ANKRD52: variants seen among roughly 807,000 people sequenced by gnomAD.
The protein encoded by ANKRD52 is ankyrin repeat domain 52.
ANKRD52 carries 7 observed loss-of-function variants against 116.0 expected under a neutral mutation model. The ratio of observed to expected loss-of-function variants is 0.06; its 90% CI spans 0.03 to 0.11. The LOEUF (loss-of-function observed/expected upper bound fraction) is 0.11. Among genes scored for constraint, ANKRD52 ranks in the 10% least tolerant of loss-of-function variants. The pLI, the probability that ANKRD52 is intolerant of heterozygous loss-of-function variation, is 1.00. For missense variants in ANKRD52, 839 were observed against 1,408.6 expected, an observed-to-expected ratio of 0.60 and a Z score of 6.47; for synonymous variants, 528 against 578.1, an observed-to-expected ratio of 0.91 and a Z score of 1.24.
Position 56,244,847 on chromosome 12 carries a change from C to T in ANKRD52, c.2577-50G>A, listed in dbSNP as rs764285096. ...TTAAAATAGGGAAGAGTATACTGCC[C>T]AAGCAGAAAGGGGAAGCCAGAGGCA... is the stretch of plus-strand genomic sequence containing the variant. On this transcript the variant is annotated intron_variant, in intron 23 of 27. Coordinates refer to ENST00000267116, the MANE Select transcript of ANKRD52 (RefSeq NM_173595.4). The surrounding 1 kb of genome is among the most constrained non-coding windows in gnomAD (Gnocchi z 4.9). 12 of 1,613,700 alleles carry T rather than the reference C, an allele frequency of 7.4e-6. No homozygotes were observed. The East Asian group carries it at 1.6e-4, about 21-fold the overall frequency.
intron 2 of ANKRD52, 105 bp downstream of exon 2, chr12:56,257,723 C>T (rs1450927642): frequency 2.7e-6 from 3 of 1,100,014 alleles, no homozygotes; most frequent in East Asian, 2.6e-5. Context: ...AGAACTGCGG[C>T]CTCATCTGAG....
In ANKRD52 at chr12:56,248,270, T is replaced by G; in HGVS notation, c.1777-46A>C. On this transcript the variant is annotated intron_variant, in intron 17 of 27. Transcript: ENST00000267116. This position sits in a 1 kb window ranked among gnomAD's most constrained non-coding sequence, Gnocchi z 5.1. Reference sequence around the variant, plus strand: ...AGTGCACACAGCTCGGGACCTTCCCTGCTCCTCCCTTCCCCTTCTCTGCTC... The same window carrying G: ...AGTGCACACAGCTCGGGACCTTCCCGGCTCCTCCCTTCCCCTTCTCTGCTC... 1 of 1,596,556 alleles carries G rather than the reference T, an allele frequency of 6.3e-7. No individual in the cohort carries two copies. Among genetic ancestry groups the G allele is most frequent in the Non-Finnish European group, 8.6e-7 (1 of 1,167,100 alleles).
chr12:56,251,267 C>A (rs774173827), intron 15 of ANKRD52, among the ~76,000 whole-genome samples: 1 of 151,498 alleles, frequency 6.6e-6, no homozygotes, highest in Non-Finnish European at 1.5e-5. Context: ...TTTTTTGAGA[C>A]AGAGTCTTGT....
chr12:56,252,359 G>A lies in ANKRD52; in HGVS notation c.1371-44C>T, dbSNP rs760983458. On this transcript the variant is annotated intron_variant, in intron 13 of 27. Coordinates refer to ENST00000267116, the MANE Select transcript of ANKRD52 (RefSeq NM_173595.4). This position sits in a 1 kb window ranked among gnomAD's most constrained non-coding sequence, Gnocchi z 4.7. ...AGGGTGGGGAAGAGAATCAGAGACAGATACGAATGCAATCAGATGTGCAGC... is the reference window on the plus strand; with the variant it reads ...AGGGTGGGGAAGAGAATCAGAGACAAATACGAATGCAATCAGATGTGCAGC... 1 of 1,610,278 alleles carries A rather than the reference G, an allele frequency of 6.2e-7. No homozygotes were observed. Among genetic ancestry groups the A allele is most frequent in the Non-Finnish European group, 8.5e-7 (1 of 1,176,916 alleles).
At position 56,237,948 on chromosome 12, in the gene ANKRD52, G is replaced by A. The variant is rs1870991676; in HGVS notation, c.*5194C>T. On this transcript the variant is annotated 3_prime_UTR_variant, in exon 28 of 28. Transcript: ENST00000267116. ...TGGGGGAGGATGTGAGTAGGGGCCT[G>A]GAGGGTGCAGGGTCATTAATCTGCG... 1.8e-6 allele frequency: 1 copy of A among 542,934 alleles called. No individual in the cohort carries two copies. Among genetic ancestry groups the A allele is most frequent in the Non-Finnish European group, 3.1e-6 (1 of 318,432 alleles). The allele number at this position is 542,934 out of a possible 1,614,324, so 33.6% of individuals were successfully genotyped here.
In ANKRD52 at chr12:56,240,823, A is replaced by C. The variant is rs529142940; in HGVS notation, c.*2319T>G. The C allele has an allele frequency of 1.8e-4, 28 of 152,362 alleles. No individual in the cohort carries two copies. The highest frequency in any genetic ancestry group is 1.5e-3 in the Admixed American group (23 of 15,298). 9.4% of individuals were successfully genotyped at this position (152,362 alleles called of 1,614,324 possible). ...GCGCTGAGGGCAGCAGGGCGCAGAC[A>C]GCCCCCAGAAATCTCATCTAGCAAG... On this transcript the variant is annotated 3_prime_UTR_variant, in exon 28 of 28. Transcript: ENST00000267116. This position sits in a 1 kb window ranked among gnomAD's most constrained non-coding sequence, Gnocchi z 4.2.
In ANKRD52 at chr12:56,253,573, G is replaced by A; in HGVS notation, c.985+149C>T. ...AGGAGACTGGGCAGGGCAGAGCAGGGCCATTTCCACAGGTCCCTTGGTCAG... is the reference window on the plus strand; with the variant it reads ...AGGAGACTGGGCAGGGCAGAGCAGGACCATTTCCACAGGTCCCTTGGTCAG... On this transcript the variant is annotated intron_variant, in intron 9 of 27. Transcript: ENST00000267116. The surrounding 1 kb of genome is among the most constrained non-coding windows in gnomAD (Gnocchi z 5.5). 1 of 968,690 alleles carries A rather than the reference G, an allele frequency of 1.0e-6. No individual in the cohort carries two copies. The highest frequency in any genetic ancestry group is 2.6e-5 in the East Asian group (1 of 38,936). The allele number at this position is 968,690 out of a possible 1,614,324, so 60.0% of individuals were successfully genotyped here. A position where few individuals can be genotyped will look rare whatever the true frequency, so the allele number is the denominator to read the frequency against.
At chr12:56,245,260 C>T (rs976767857) in intron 21 of ANKRD52, 70 bp from the exon 22 acceptor site, 7 of 1,600,484 alleles carry the variant, frequency 4.4e-6, no homozygotes, top group Non-Finnish European at 5.1e-6. Context: ...TGTGTCTTGA[C>T]ACTCCATTCC....
intron 15 of ANKRD52, among the ~76,000 whole-genome samples, chr12:56,251,810 T>A (rs1234329720): frequency 6.6e-6 from 1 of 151,356 alleles, no homozygotes; most frequent in Non-Finnish European, 1.5e-5. Flanking sequence ...GGTTTTTTTT[T>A]CCCCCTGAAG....
In ANKRD52 at chr12:56,252,231, G is replaced by A. The variant is rs773801349; in HGVS notation, c.1455C>T (p.Ala485=). The change falls in exon 14 of 28, where the codon GCC becomes GCT. Residue 485 remains alanine (A), a synonymous_variant. Transcript: ENST00000267116. The surrounding 1 kb of genome is among the most constrained non-coding windows in gnomAD (Gnocchi z 4.7). ...GGAGGGGAGAGCAGCCTTTACAGTC[G>A]GCCTCGTTGACACCTGCCCCAGCAG... The part of the protein sequence containing the change: ...LVTAGAGVNE[A]DCKGCSPLHY... 185 of 1,613,812 alleles carry A rather than the reference G, an allele frequency of 1.1e-4. No homozygotes were observed. The highest frequency in any genetic ancestry group is 1.3e-4 in the Non-Finnish European group (157 of 1,179,874).
intron 1 of ANKRD52, 90 bp downstream of exon 1, chr12:56,258,153 A>C (rs1699727242): frequency 1.1e-5 from 17 of 1,543,366 alleles, no homozygotes; most frequent in Non-Finnish European, 1.2e-5. Context: ...CCCCGGGCTC[A>C]GGCCCAGCCT....
intron 20 of ANKRD52, 128 bp downstream of exon 20, chr12:56,247,361 AAAAG>A (rs1485569210): frequency 9.1e-6 from 7 of 770,504 alleles, no homozygotes; most frequent in African/African-American, 5.3e-5. Context: ...AAAAAAAAAA[AAAAG>A]AAAAAGAAAA....
In ANKRD52 at chr12:56,255,344, C is replaced by A. The variant is rs1232887627; in HGVS notation, c.463-392G>T. On this transcript the variant is annotated intron_variant, in intron 5 of 27. Transcript: ENST00000267116. This position sits in a 1 kb window ranked among gnomAD's most constrained non-coding sequence, Gnocchi z 4.3. ...TAGCTGGGACTACAGGCGGCCGCCA[C>A]CACACCCGGCTAATTTTTTGTATTT... Among the ~76,000 whole-genome samples, 2 of 152,104 alleles carry A rather than the reference C, an allele frequency of 1.3e-5. No homozygotes were observed. The highest frequency in any genetic ancestry group is 4.8e-5 in the African/African-American group (2 of 41,404).
At chr12:56,247,795 G>A (rs375304083) in intron 18 of ANKRD52, 21 bp from the exon 19 acceptor site, 11 of 1,605,440 alleles carry the variant, frequency 6.9e-6, no homozygotes, top group Admixed American at 1.7e-5. Flanking sequence ...GGGACCCCGT[G>A]TCAGGGCAGG....
At position 56,253,219 on chromosome 12, in the gene ANKRD52, T is replaced by C; in HGVS notation, c.1100+69A>G. ...GCCCTTTGGCAAGCTTATCTGTGCCTCCATGGTTGATGTGAGCAGTCTGTG... is the reference window on the plus strand; with the variant it reads ...GCCCTTTGGCAAGCTTATCTGTGCCCCCATGGTTGATGTGAGCAGTCTGTG... On this transcript the variant is annotated intron_variant, in intron 10 of 27. Coordinates refer to ENST00000267116, the MANE Select transcript of ANKRD52 (RefSeq NM_173595.4). This position sits in a 1 kb window ranked among gnomAD's most constrained non-coding sequence, Gnocchi z 5.5. The C allele has an allele frequency of 6.6e-7, 1 of 1,517,312 alleles. No homozygotes were observed. 94.0% of individuals were successfully genotyped at this position (1,517,312 alleles called of 1,614,324 possible).
Position 56,252,062 on chromosome 12 carries a change from G to A in ANKRD52, c.1545C>T (p.Ala515=), listed in dbSNP as rs751836075. 8.1e-6 allele frequency: 13 copies of A among 1,613,562 alleles called. No homozygotes were observed. Among genetic ancestry groups the A allele is most frequent in the East Asian group, 6.7e-5 (3 of 44,882 alleles). ...ACTCCTTCAGTGGCTCGTCCTCTTC[G>A]GCATCATGGCTGGAAGGTGTATGGG... is the stretch of plus-strand genomic sequence containing the variant. The part of the protein sequence containing the change: ...AEPHTPSSHD[A]EEDEPLKESR... The change falls in exon 15 of 28, where the codon GCC becomes GCT. Residue 515 remains alanine (A), a synonymous_variant. Coordinates refer to ENST00000267116, the MANE Select transcript of ANKRD52 (RefSeq NM_173595.4). The surrounding 1 kb of genome is among the most constrained non-coding windows in gnomAD (Gnocchi z 4.7).
chr12:56,245,343 T>C (rs1271123069), intron 21 of ANKRD52, 34 bp downstream of exon 21: 3 of 1,601,706 alleles, frequency 1.9e-6, no homozygotes, highest in Non-Finnish European at 2.6e-6. Context: ...CTCCAACACA[T>C]GCTCCTGTGC....
At chr12:56,256,424 C>T (rs1871955818) in intron 4 of ANKRD52, among the ~76,000 whole-genome samples, 1 of 152,210 alleles carries the variant, frequency 6.6e-6, no homozygotes, top group Admixed American at 6.5e-5. Context: ...AGTAAGCAAA[C>T]AGATACTGGT....
At chr12:56,245,328 A>C in intron 21 of ANKRD52, 49 bp downstream of exon 21, 29 of 1,601,280 alleles carry the variant, frequency 1.8e-5, no homozygotes, top group Non-Finnish European at 2.4e-5. Context: ...CCCCCTCTAC[A>C]CACACTCCAA....
Sources: allele counts gnomAD v4.1 joint callset (sites outside exome capture counted in the v4.1 genomes callset), GRCh38; gene constraint gnomAD v4.1.1; non-coding constraint Gnocchi (gnomAD v3.1); transcripts MANE v1.5; gene names NCBI Gene and HGNC (gene_info 2026-07-23, HGNC 2026-07-21).